Variants in PIGZ observed in about 807,000 individuals in gnomAD.
PIGZ encodes GPI alpha-1,2-mannosyltransferase 4.
A neutral mutation model predicts 16.4 loss-of-function variants in PIGZ; 16 were observed. The observed-to-expected ratio is 0.97, with a 90% CI of 0.66 to 1.48. The LOEUF is 1.48. Among genes scored for constraint, PIGZ ranks in the 40% most tolerant of loss-of-function variants. PIGZ has a pLI of 0.00. For missense variants in PIGZ, 770 were observed against 739.2 expected, an observed-to-expected ratio of 1.04 and a Z score of -0.48; for synonymous variants, 409 against 338.4, an observed-to-expected ratio of 1.21 and a Z score of -2.29.
At position 196,947,249 on chromosome 3, in the gene PIGZ, G is replaced by A; in HGVS notation, c.1648C>T (p.Leu550=). ...NETLLFPHLT[L]EDPPALSSLL... is the part of the protein sequence containing the mutation. ...GAGGACAGGGCTGGTGGATCCTCCAGGGTCAGATGGGGAAATAAAAGTGTT... is the reference window on the plus strand; with the variant it reads ...GAGGACAGGGCTGGTGGATCCTCCAAGGTCAGATGGGGAAATAAAAGTGTT... Residue 550 remains leucine, a synonymous_variant, in exon 3 of 3, where the codon CTG becomes TTG. Transcript: ENST00000412723. 6.2e-7 allele frequency: 1 copy of A among 1,613,146 alleles called. No individual in the cohort carries two copies. Among genetic ancestry groups the A allele is most frequent in the Non-Finnish European group, 8.5e-7 (1 of 1,179,520 alleles).
chr3:196,960,687 T>TGAAAGAAAGAAAGAAGAAAGGAAGGAAG (rs1717675310), intron 1 of PIGZ, among the ~76,000 whole-genome samples: 1 of 63,248 alleles, frequency 1.6e-5, no homozygotes, highest in Non-Finnish European at 3.4e-5. Flanking sequence ...AGAAAAAAGA[T>TGAAAGAAAGAAAGAAGAAAGGAAGGAAG]GAAAGAAAGA....
chr3:196,948,888 C>CCCCT, intron 2 of PIGZ, among the ~76,000 whole-genome samples: 1 of 10,744 alleles, frequency 9.3e-5, no homozygotes, highest in Admixed American at 1.4e-3. Flanking sequence ...TCCCTTCCTT[C>CCCCT]CCCTTCCTTC....
chr3:196,967,401 A>T (rs191716168), intron 1 of PIGZ, among the ~76,000 whole-genome samples: 268 of 152,262 alleles, frequency 1.8e-3, no homozygotes, highest in Non-Finnish European at 3.4e-3. Context: ...TTCCTGGCAA[A>T]GCTGCTGGGT....
chr3:196,955,844 G>T (rs1215366228), intron 1 of PIGZ, among the ~76,000 whole-genome samples: 1 of 151,934 alleles, frequency 6.6e-6, no homozygotes, highest in Non-Finnish European at 1.5e-5. Context: ...CTCCCAAGAT[G>T]CTGGGATTAC....
Position 196,948,166 on chromosome 3 carries a change from C to A in PIGZ, c.731G>T (p.Arg244Leu). 1.2e-6 allele frequency: 2 copies of A among 1,612,992 alleles called. No individual in the cohort carries two copies. The highest frequency in any genetic ancestry group is 1.7e-5 in the Admixed American group (1 of 59,932). The change falls in exon 3 of 3, where the codon CGT becomes CTT. Residue 244 changes from arginine to leucine, a missense_variant. By Grantham distance (102) the Arg-to-Leu change is moderately radical. Coordinates refer to ENST00000412723, the MANE Select transcript of PIGZ (RefSeq NM_025163.4). ...AVVPLYLWGT[R>L]GATNPGLKSL... Reference sequence around the variant, plus strand: ...CTTCAAACCAGGGTTTGTGGCTCCACGAGTGCCCCAGAGGTAGAGGGGGAC... The same window carrying A: ...CTTCAAACCAGGGTTTGTGGCTCCAAGAGTGCCCCAGAGGTAGAGGGGGAC...
chr3:196,957,436 G>A (rs868821862), intron 1 of PIGZ, among the ~76,000 whole-genome samples: 5 of 150,404 alleles, frequency 3.3e-5, no homozygotes, highest in African/African-American at 7.4e-5. Context: ...AGGCTGGAGT[G>A]CAGTGGCATG....
Position 196,951,898 on chromosome 3 carries a change from C to T in PIGZ, c.134G>A (p.Arg45Gln), listed in dbSNP as rs757183486. 2.6e-5 allele frequency: 42 copies of T among 1,614,160 alleles called. No individual in the cohort carries two copies. The highest frequency in any genetic ancestry group is 3.3e-5 in the Non-Finnish European group (39 of 1,180,034). The change falls in exon 2 of 3, where the codon CGA (arginine) becomes CAA (glutamine). Residue 45 changes from arginine to glutamine, a missense_variant. Physicochemically the swap from Arg to Gln is conservative, Grantham distance 43. Transcript: ENST00000412723. ...RVLWGGLSLLRVLWCLLPQTG... is the reference protein window; with the variant it reads ...RVLWGGLSLLQVLWCLLPQTG... ...CTGCGGAAGGAGACACCACAGCACT[C>T]GGAGCAGGCTGAGACCACCCCAAAG...
intron 1 of PIGZ, among the ~76,000 whole-genome samples, chr3:196,961,350 G>T (rs183883014): frequency 6.6e-6 from 1 of 152,266 alleles, no homozygotes; most frequent in African/African-American, 2.4e-5. Flanking sequence ...CCCTTCCAAA[G>T]GTTTTGTAAG....
chr3:196,949,909 G>C lies in PIGZ; in HGVS notation c.212-1224C>G, dbSNP rs137869319. 1.2e-4 allele frequency among the ~76,000 whole-genome samples: 18 copies of C among 152,248 alleles called. No individual in the cohort carries two copies. In the East Asian group the frequency reaches 3.5e-3, roughly 29 times the overall value. ...CTGATAATGATTGTTATCAGGAGAT[G>C]GGGGGAGAGAAGAGGGGTAGGTGAT... On this transcript the variant is annotated intron_variant, in intron 2 of 2. Transcript: ENST00000412723.
chr3:196,950,506 G>A (rs1717233339), intron 2 of PIGZ, among the ~76,000 whole-genome samples: 1 of 152,074 alleles, frequency 6.6e-6, no homozygotes, highest in African/African-American at 2.4e-5. Context: ...CGGATCATTC[G>A]GGCTCTTTGA....
chr3:196,955,870 C>T lies in PIGZ; in HGVS notation c.1-3839G>A, dbSNP rs200810982. Reference sequence around the variant, plus strand: ...CTGGGATTACAGATGTCAGCCACTGCGCCCGGCCAATTTAGGGTTATTATT... The same window carrying T: ...CTGGGATTACAGATGTCAGCCACTGTGCCCGGCCAATTTAGGGTTATTATT... On this transcript the variant is annotated intron_variant, in intron 1 of 2. Transcript: ENST00000412723. Among the ~76,000 whole-genome samples the T allele has an allele frequency of 8.3e-4, 127 of 152,112 alleles. 2 individuals are homozygous for T. Among genetic ancestry groups the T allele is most frequent in the East Asian group, 6.8e-3 (35 of 5,182 alleles).
intron 1 of PIGZ, among the ~76,000 whole-genome samples, chr3:196,967,265 C>T (rs548811218): frequency 6.6e-6 from 1 of 152,274 alleles, no homozygotes; most frequent in East Asian, 1.9e-4. Flanking sequence ...CCTGTTTCTC[C>T]GGCGCCCAGG....
intron 1 of PIGZ, among the ~76,000 whole-genome samples, 183 bp downstream of exon 1, chr3:196,968,504 C>G (rs980501771): frequency 6.6e-6 from 1 of 152,232 alleles, no homozygotes; most frequent in East Asian, 1.9e-4. Flanking sequence ...CCAGCGGACC[C>G]CGGCCTAGGG....
At chr3:196,956,147 G>A (rs565496371) in intron 1 of PIGZ, among the ~76,000 whole-genome samples, 35 of 151,812 alleles carry the variant, frequency 2.3e-4, no homozygotes, top group Non-Finnish European at 4.3e-4. Flanking sequence ...TATTATAGTC[G>A]AAAGTTTTTT....
chr3:196,955,634 T>C (rs1215659575), intron 1 of PIGZ, among the ~76,000 whole-genome samples: 1 of 149,016 alleles, frequency 6.7e-6, no homozygotes, highest in Non-Finnish European at 1.5e-5. Context: ...TGGAGTGCAG[T>C]GGCATGATCT....
At chr3:196,956,491 C>T (rs1004680889) in intron 1 of PIGZ, among the ~76,000 whole-genome samples, 1 of 152,156 alleles carries the variant, frequency 6.6e-6, no homozygotes, top group South Asian at 2.1e-4. Context: ...GGGAAACCAC[C>T]CCCATAATTC....
chr3:196,963,270 G>A (rs1047082398), intron 1 of PIGZ, among the ~76,000 whole-genome samples: 1 of 152,172 alleles, frequency 6.6e-6, no homozygotes, highest in African/African-American at 2.4e-5. Context: ...AAACTTTTGT[G>A]TACAAGTTTA....
chr3:196,959,791 G>C (rs188677180), intron 1 of PIGZ, among the ~76,000 whole-genome samples: 1 of 152,180 alleles, frequency 6.6e-6, no homozygotes, highest in African/African-American at 2.4e-5. Context: ...CACACTGCCT[G>C]CCATTTGACA....
Position 196,948,100 on chromosome 3 carries a change from GC to G in PIGZ, c.796del (p.Ala266ProfsTer26), listed in dbSNP as rs879305995. ...GGCCACAAACACCGCTGCTGTGAGGGCTGCCCCAGGGAGCAGCACCAGGGCC... is the reference window on the plus strand; with the variant it reads ...GGCCACAAACACCGCTGCTGTGAGGGTGCCCCAGGGAGCAGCACCAGGGCC... ...REALVLLPGAALTAAVFVATD... is the reference protein window; with the variant it reads ...REALVLLPGAXLTAAVFVATD... On this transcript the variant is annotated frameshift_variant, in exon 3 of 3. Coordinates refer to ENST00000412723, the MANE Select transcript of PIGZ (RefSeq NM_025163.4). LOFTEE classifies it low-confidence loss of function (END_TRUNC). The G allele has an allele frequency of 6.3e-7, 1 of 1,590,782 alleles. No individual in the cohort carries two copies.
Sources: gnomAD v4.1 joint callset for allele counts (sites outside exome capture counted in the v4.1 genomes callset) on GRCh38, gnomAD v4.1.1 for gene constraint, MANE v1.5 for transcripts, NCBI Gene and HGNC (gene_info 2026-07-23, HGNC 2026-07-21) for gene names.